The following CDC123 variants were observed in gnomAD, a reference collection of about 807,000 sequenced individuals.
CDC123 encodes the protein cell division cycle 123, also known as translation initiation factor eIF2 assembly protein.
CDC123 carries 37 observed loss-of-function variants against 54.4 expected under a neutral mutation model. The observed-to-expected ratio is 0.68, with a 90% CI of 0.52 to 0.89. The LOEUF (loss-of-function observed/expected upper bound fraction) is 0.89. CDC123 is among the 40% of genes least tolerant of loss of function. CDC123 has a pLI of 0.00. For synonymous variants in CDC123, 144 were observed against 136.8 expected (o/e 1.05, Z -0.37); for missense variants, 361 against 412.1 (o/e 0.88, Z 1.07).
At chr10:12,246,696 T>C (rs1027652850) in intron 11 of CDC123, 1 of 156,828 alleles carries the variant, frequency 6.4e-6, no homozygotes, top group African/African-American at 2.4e-5. Flanking sequence ...TGCTTCTCAG[T>C]CTCCCATCAT....
intron 12 of CDC123, 82 bp downstream of exon 12, chr10:12,249,800 A>G: frequency 6.7e-7 from 1 of 1,492,578 alleles, no homozygotes; most frequent in South Asian, 1.4e-5. Flanking sequence ...TTTCATTGGA[A>G]TCCTGTATCA....
chr10:12,220,821 C>T (rs1835725826), intron 6 of CDC123, among the ~76,000 whole-genome samples: 2 of 151,904 alleles, frequency 1.3e-5, no homozygotes, highest in South Asian at 4.2e-4. Context: ...ACTGAAAATA[C>T]AAAAAATTAG....
At position 12,225,516 on chromosome 10, in the gene CDC123, C is replaced by G. The variant is rs747234794; in HGVS notation, c.441-5432C>G. ...TCATCTCATTCCACTCTCTCATTTTCAAACCTGTGTTCTAGAAGCTCTGAC... is the reference window on the plus strand; with the variant it reads ...TCATCTCATTCCACTCTCTCATTTTGAAACCTGTGTTCTAGAAGCTCTGAC... On this transcript the variant is annotated intron_variant, in intron 6 of 12. Coordinates refer to ENST00000281141, the MANE Select transcript of CDC123 (RefSeq NM_006023.3). Among the ~76,000 whole-genome samples, 992 of 152,270 alleles carry G rather than the reference C, an allele frequency of 6.5e-3. 7 individuals are homozygous for G. Among genetic ancestry groups the G allele is most frequent in the South Asian group, 0.011 (53 of 4,824 alleles).
intron 6 of CDC123, among the ~76,000 whole-genome samples, chr10:12,220,710 G>T (rs920444123): frequency 1.3e-5 from 2 of 152,252 alleles, no homozygotes; most frequent in African/African-American, 2.4e-5. Context: ...GGGTGTGGTG[G>T]CTCATGCCTG....
At chr10:12,207,413 G>C (rs947813117) in intron 2 of CDC123, among the ~76,000 whole-genome samples, 8 of 152,012 alleles carry the variant, frequency 5.3e-5, no homozygotes, top group African/African-American at 1.9e-4. Context: ...TCTTTCATCT[G>C]GTCCCTTTAT....
rs190784969 is a variant in CDC123 at position 12,222,341 on chromosome 10, C to T, written c.440+4874C>T. ...TGGAGGTTGACATATGACATGTGGC[C>T]GGGCGCGGTGGCTCACGCCTGTAAT... On this transcript the variant is annotated intron_variant, in intron 6 of 12. Coordinates refer to ENST00000281141, the MANE Select transcript of CDC123 (RefSeq NM_006023.3). Among the ~76,000 whole-genome samples, 828 of 152,246 alleles carry T rather than the reference C, an allele frequency of 5.4e-3. 4 individuals are homozygous for T. Among genetic ancestry groups the T allele is most frequent in the Non-Finnish European group, 9.0e-3 (609 of 68,022 alleles).
At chr10:12,225,726 T>C (rs1372926885) in intron 6 of CDC123, among the ~76,000 whole-genome samples, 2 of 149,584 alleles carry the variant, frequency 1.3e-5, no homozygotes, top group Non-Finnish European at 3.0e-5. Flanking sequence ...ACTTTTCTCT[T>C]TTTTTTTTCT....
At position 12,250,349 on chromosome 10, in the gene CDC123, G is replaced by T. The variant is rs12590; in HGVS notation, c.*12G>T. 0.19 allele frequency: 302,377 copies of T among 1,596,942 alleles called. 30,226 individuals carry two copies. Among genetic ancestry groups the T allele is most frequent in the Admixed American group, 0.22 (12,968 of 59,624 alleles). On this transcript the variant is annotated 3_prime_UTR_variant, in exon 13 of 13. Transcript: ENST00000281141. Reference sequence around the variant, plus strand: ...AGGAGGACGACTGATGAGCGTACTGGAACTGGAGAAGAGGAGGCCCCGCCC... The same window carrying T: ...AGGAGGACGACTGATGAGCGTACTGTAACTGGAGAAGAGGAGGCCCCGCCC...
chr10:12,248,788 A>G (rs1006175455), intron 11 of CDC123, among the ~76,000 whole-genome samples: 1 of 142,226 alleles, frequency 7.0e-6, no homozygotes, highest in African/African-American at 2.7e-5. Flanking sequence ...CTGGGCAACA[A>G]GAGTAAAACT....
chr10:12,241,477 T>G (rs1358756395), intron 10 of CDC123, among the ~76,000 whole-genome samples: 1 of 152,190 alleles, frequency 6.6e-6, no homozygotes, highest in South Asian at 2.1e-4. Context: ...TTCCTTTGCG[T>G]GTTTGGTATG....
Position 12,218,633 on chromosome 10 carries a change from G to A in CDC123, c.440+1166G>A, listed in dbSNP as rs11257601. On this transcript the variant is annotated intron_variant, in intron 6 of 12. Coordinates refer to ENST00000281141, the MANE Select transcript of CDC123 (RefSeq NM_006023.3). ...TTATTTTCCATTCCCTTAGTGCTGCGCCTCTGGAGAGCTGTACCATGACAT... is the reference window on the plus strand; with the variant it reads ...TTATTTTCCATTCCCTTAGTGCTGCACCTCTGGAGAGCTGTACCATGACAT... 5.0e-3 allele frequency among the ~76,000 whole-genome samples: 759 copies of A among 152,196 alleles called. 37 individuals carry two copies. In the East Asian group the frequency reaches 0.12, roughly 23 times the overall value.
chr10:12,231,032 AGAT>A, intron 7 of CDC123, 36 bp downstream of exon 7: 1 of 1,526,280 alleles, frequency 6.6e-7, no homozygotes, highest in Non-Finnish European at 9.0e-7. Context: ...TTGTAGATGA[AGAT>A]GTGTTGAGAA....
chr10:12,209,613 T>G (rs1247548589), intron 2 of CDC123, among the ~76,000 whole-genome samples: 1 of 152,118 alleles, frequency 6.6e-6, no homozygotes, highest in East Asian at 1.9e-4. Context: ...CAGGCTGGAG[T>G]GCAGTGGCAC....
At chr10:12,218,089 TCAAAA>T (rs1483388848) in intron 6 of CDC123, among the ~76,000 whole-genome samples, 1 of 151,340 alleles carries the variant, frequency 6.6e-6, no homozygotes, top group African/African-American at 2.5e-5. Flanking sequence ...AGACTCCATC[TCAAAA>T]CAAACAAAAA....
chr10:12,233,596 A>G (rs559133760), intron 7 of CDC123, among the ~76,000 whole-genome samples: 1 of 152,214 alleles, frequency 6.6e-6, no homozygotes, highest in African/African-American at 2.4e-5. Flanking sequence ...GCCTATATAT[A>G]TATATAAAAT....
chr10:12,219,933 C>CT lies in CDC123; in HGVS notation c.440+2467dup, dbSNP rs200718793. Among the ~76,000 whole-genome samples, 776 of 152,338 alleles carry CT rather than the reference C, an allele frequency of 5.1e-3. 8 individuals carry two copies. The highest frequency in any genetic ancestry group is 0.017 in the African/African-American group (718 of 41,578). ...TCCATCTCCTCACCTCGTGATCCGC[C>CT]TGCCTAGGCCTCCCAAAGTGCTGGA... On this transcript the variant is annotated intron_variant, in intron 6 of 12. Coordinates refer to ENST00000281141, the MANE Select transcript of CDC123 (RefSeq NM_006023.3).
At chr10:12,222,323 T>C (rs922930510) in intron 6 of CDC123, among the ~76,000 whole-genome samples, 1 of 152,160 alleles carries the variant, frequency 6.6e-6, no homozygotes, top group Non-Finnish European at 1.5e-5. Flanking sequence ...AAGTGGAGGT[T>C]GACATATGAC....
chr10:12,210,209 T>G (rs1835578888), intron 3 of CDC123, 81 bp from the exon 4 acceptor site: 1 of 1,543,448 alleles, frequency 6.5e-7, no homozygotes, highest in South Asian at 1.2e-5. Flanking sequence ...TGATTTATAA[T>G]TTTTAGATGG....
Position 12,198,209 on chromosome 10 carries a change from G to A in CDC123, c.75-496G>A, listed in dbSNP as rs555884016. On this transcript the variant is annotated intron_variant, in intron 1 of 12. Coordinates refer to ENST00000281141, the MANE Select transcript of CDC123 (RefSeq NM_006023.3). ...TGGTGATCAGTTGAATAGAAAGCCA[G>A]CAAGACACATCCAAAAGTATCATGA... Among the ~76,000 whole-genome samples, 4 of 152,304 alleles carry A rather than the reference G, an allele frequency of 2.6e-5. No homozygotes were observed. In the South Asian group the frequency reaches 6.2e-4, roughly 24 times the overall value.
Sources: allele counts gnomAD v4.1 joint callset (sites outside exome capture counted in the v4.1 genomes callset), GRCh38; gene constraint gnomAD v4.1.1; transcripts MANE v1.5; gene names NCBI Gene and HGNC (gene_info 2026-07-23, HGNC 2026-07-21).